Variants in RGS12 observed in about 807,000 individuals in gnomAD.
RGS12 encodes regulator of G protein signaling 12, also known as regulator of G-protein signaling 12.
In RGS12, 66 loss-of-function variants were observed where a neutral mutation model predicts 120.1. The observed-to-expected ratio is 0.55, with a 90% CI of 0.45 to 0.67. The LOEUF (loss-of-function observed/expected upper bound fraction) is 0.67. Ranked by LOEUF, RGS12 falls within the 30% of genes least tolerant of loss-of-function variation. The probability of loss-of-function intolerance (pLI) is 0.00; values close to 1 mark genes in which losing one functional copy is unlikely to be tolerated. For synonymous variants in RGS12, 827 were observed against 804.7 expected (o/e 1.03, Z -0.47); for missense variants, 1,859 against 1,957.7 (o/e 0.95, Z 0.95).
In RGS12 at chr4:3,343,795, TTGAC is replaced by T. The variant is rs141172452; in HGVS notation, c.1998+745_1998+748del. Among the ~76,000 whole-genome samples, 76 of 152,282 alleles carry T rather than the reference TTGAC, an allele frequency of 5.0e-4. 1 individual carries two copies. The East Asian group carries it at 0.012, about 25-fold the overall frequency. The stretch of plus-strand genomic sequence containing the variant: ...TTGAACTCTGACAACCACTGATCCT[TTGAC>T]TGTCTCATTTGGCATGTTTTAAAAT... On this transcript the variant is annotated intron_variant, in intron 3 of 17. Transcript: ENST00000336727.
Position 3,390,713 on chromosome 4 carries a change from C to A in RGS12, c.2020+4276C>A, listed in dbSNP as rs1719405266. Among the ~76,000 whole-genome samples, 1 of 152,220 alleles carries A rather than the reference C, an allele frequency of 6.6e-6. No individual in the cohort carries two copies. On this transcript the variant is annotated intron_variant, in intron 4 of 17. Coordinates refer to ENST00000336727, the MANE Select transcript of RGS12 (RefSeq NM_001394154.1). The surrounding 1 kb of genome is among the most constrained non-coding windows in gnomAD (Gnocchi z 4.6). Reference sequence around the variant, plus strand: ...CAGCTGACAGGCCGATCTCTTGGGGCAAGTCACTTTCTCTCTCCTAGCCTT... The same window carrying A: ...CAGCTGACAGGCCGATCTCTTGGGGAAAGTCACTTTCTCTCTCCTAGCCTT...
At position 3,430,387 on chromosome 4, in the gene RGS12, T is replaced by C. The variant is rs776964953; in HGVS notation, c.3566-20T>C. ...GTGAAACTCTCTAAAACACGGTCAC[T>C]CTGGGTTTTCTTCCAATAGAGTTTT... is the stretch of plus-strand genomic sequence containing the variant. On this transcript the variant is annotated intron_variant, in intron 16 of 17. Coordinates refer to ENST00000336727, the MANE Select transcript of RGS12 (RefSeq NM_001394154.1). 1 of 1,597,420 alleles carries C rather than the reference T, an allele frequency of 6.3e-7. No homozygotes were observed. The highest frequency in any genetic ancestry group is 2.2e-5 in the East Asian group (1 of 44,670).
At chr4:3,353,565 A>C (rs1249896954) in intron 3 of RGS12, among the ~76,000 whole-genome samples, 3 of 152,122 alleles carry the variant, frequency 2.0e-5, no homozygotes, top group Admixed American at 2.0e-4. Context: ...TTCTTCCCTG[A>C]TGTGGCATTG....
At chr4:3,293,165 C>G (rs1334217151) in intron 1 of RGS12, 66 bp downstream of exon 1, 4 of 146,034 alleles carry the variant, frequency 2.7e-5, no homozygotes, top group Non-Finnish European at 6.1e-5. Context: ...TCTTTCGTCT[C>G]CGGGGCGCGC....
At chr4:3,439,131 G>A (rs1725081585) in intron 17 of RGS12, among the ~76,000 whole-genome samples, 2 of 152,028 alleles carry the variant, frequency 1.3e-5, no homozygotes, top group African/African-American at 2.4e-5. Flanking sequence ...TAGGGGGGCA[G>A]TTGGGGCGGG....
In RGS12 at chr4:3,317,191, A is replaced by G. The variant is rs1177737915; in HGVS notation, c.1021A>G (p.Met341Val). The change falls in exon 2 of 18, where the codon ATG becomes GTG. Residue 341 changes from methionine to valine, a missense_variant. Physicochemically the swap from Met to Val is conservative, Grantham distance 21. Coordinates refer to ENST00000336727, the MANE Select transcript of RGS12 (RefSeq NM_001394154.1). ...GALRTSCHVFMVDPDLFNHKI... is the reference protein window; with the variant it reads ...GALRTSCHVFVVDPDLFNHKI... ...CCTGCGGACTTCCTGCCACGTGTTC[A>G]TGGTGGACCCAGACTTGTTTAATCA... 1.9e-6 allele frequency: 3 copies of G among 1,614,022 alleles called. No individual in the cohort carries two copies. Among genetic ancestry groups the G allele is most frequent in the African/African-American group, 1.3e-5 (1 of 74,934 alleles).
intron 12 of RGS12, 68 bp from the exon 13 acceptor site, chr4:3,423,447 G>A (rs1414607310): frequency 6.3e-7 from 1 of 1,595,334 alleles, no homozygotes. Context: ...CTGTAGTTCT[G>A]CTCGTGAGAC....
At chr4:3,355,735 CAGT>C (rs1714816795) in intron 3 of RGS12, among the ~76,000 whole-genome samples, 2 of 133,742 alleles carry the variant, frequency 1.5e-5, no homozygotes, top group Non-Finnish European at 3.0e-5. Flanking sequence ...GTCAAGGCTG[CAGT>C]AAGCTGCGTT....
intron 1 of RGS12, among the ~76,000 whole-genome samples, chr4:3,295,070 A>G (rs1560634285): frequency 6.6e-6 from 1 of 151,850 alleles, no homozygotes; most frequent in Non-Finnish European, 1.5e-5. Context: ...GTTTAGGATG[A>G]GGGTCTCGGG....
rs559446103 is a variant in RGS12 at position 3,357,185 on chromosome 4, G to T, written c.1998+14132G>T. 1.2e-4 allele frequency among the ~76,000 whole-genome samples: 19 copies of T among 152,220 alleles called. No homozygotes were observed. In the South Asian group the frequency reaches 3.3e-3, roughly 27 times the overall value. Reference sequence around the variant, plus strand: ...TGGCTATTTGCATATTTTCTTTGGAGAAATGTCTACTCAAGTCCTTTGCCC... The same window carrying T: ...TGGCTATTTGCATATTTTCTTTGGATAAATGTCTACTCAAGTCCTTTGCCC... On this transcript the variant is annotated intron_variant, in intron 3 of 17. Transcript: ENST00000336727.
chr4:3,311,324 C>T (rs1296614713), intron 1 of RGS12, among the ~76,000 whole-genome samples: 2 of 152,188 alleles, frequency 1.3e-5, no homozygotes, highest in Non-Finnish European at 2.9e-5. Context: ...GTCTTGGGTG[C>T]TGCCCGGCAT....
intron 3 of RGS12, among the ~76,000 whole-genome samples, chr4:3,362,737 CTGTG>C (rs56743135): frequency 3.6e-5 from 2 of 55,772 alleles, no homozygotes; most frequent in African/African-American, 7.4e-5. Flanking sequence ...GCGAGGATGT[CTGTG>C]TGAGGGTGTG....
chr4:3,411,528 G>A (rs967996730), intron 4 of RGS12, among the ~76,000 whole-genome samples: 1 of 152,222 alleles, frequency 6.6e-6, no homozygotes, highest in Non-Finnish European at 1.5e-5. Flanking sequence ...GAGCTTTCAC[G>A]CTCCACTTGT....
chr4:3,437,434 C>T (rs529543432), intron 17 of RGS12, among the ~76,000 whole-genome samples: 1 of 152,198 alleles, frequency 6.6e-6, no homozygotes, highest in Non-Finnish European at 1.5e-5. Flanking sequence ...ATGAACACTC[C>T]AGGCAAATGC....
At chr4:3,301,973 A>G (rs1279346733) in intron 1 of RGS12, among the ~76,000 whole-genome samples, 1 of 144,438 alleles carries the variant, frequency 6.9e-6, no homozygotes. Flanking sequence ...TGAGATTCAC[A>G]TTTAACTGGG....
At chr4:3,428,765 C>G in intron 16 of RGS12, 54 bp downstream of exon 16, 1 of 1,439,994 alleles carries the variant, frequency 6.9e-7, no homozygotes, top group Non-Finnish European at 9.5e-7. Flanking sequence ...AGTTAGTTTC[C>G]AGTATAGTCA....
chr4:3,317,317 C>G lies in RGS12; in HGVS notation c.1147C>G (p.Leu383Val). The part of the protein sequence containing the change: ...LEFPASSLPV[L>V]QFISVLYRDM... ...ATTCCCGGCGTCCTCCCTCCCCGTCCTGCAGTTCATCTCTGTCCTGTACCG... is the reference window on the plus strand; with the variant it reads ...ATTCCCGGCGTCCTCCCTCCCCGTCGTGCAGTTCATCTCTGTCCTGTACCG... Residue 383 changes from leucine (L) to valine (V), a missense_variant, in exon 2 of 18, where the codon CTG becomes GTG. Coordinates refer to ENST00000336727, the MANE Select transcript of RGS12 (RefSeq NM_001394154.1). 1.2e-6 allele frequency: 2 copies of G among 1,614,176 alleles called. No homozygotes were observed. The highest frequency in any genetic ancestry group is 1.7e-6 in the Non-Finnish European group (2 of 1,180,052).
intron 13 of RGS12, 146 bp from the exon 14 acceptor site, chr4:3,425,318 C>T: frequency 1.4e-6 from 1 of 720,680 alleles, no homozygotes; most frequent in Middle Eastern, 2.5e-4. Context: ...AGCTTGTGTG[C>T]CTCAGTCAGG....
chr4:3,357,962 T>C (rs1715045380), intron 3 of RGS12, among the ~76,000 whole-genome samples: 1 of 152,196 alleles, frequency 6.6e-6, no homozygotes. Context: ...ATCTTAACTA[T>C]ATCAAGTCTG....
Sources: gnomAD v4.1 joint callset for allele counts (sites outside exome capture counted in the v4.1 genomes callset) on GRCh38, gnomAD v4.1.1 for gene constraint, Gnocchi (gnomAD v3.1) non-coding constraint, MANE v1.5 for transcripts, NCBI Gene and HGNC (gene_info 2026-07-23, HGNC 2026-07-21) for gene names.